Variants in ADGRB3 observed in about 807,000 individuals in gnomAD.
The protein encoded by ADGRB3 is brain-specific angiogenesis inhibitor 3.
A neutral mutation model predicts 193.4 loss-of-function variants in ADGRB3; 37 were observed. That is an observed-to-expected ratio of 0.19 (90% confidence interval 0.15 to 0.25). The LOEUF (loss-of-function observed/expected upper bound fraction) is 0.25. Ranked by LOEUF, ADGRB3 falls within the 10% of genes least tolerant of loss-of-function variation. The probability of loss-of-function intolerance (pLI) is 1.00; values close to 1 mark genes in which losing one functional copy is unlikely to be tolerated. For synonymous variants in ADGRB3, 690 were observed against 644.2 expected, an observed-to-expected ratio of 1.07 and a Z score of -1.08; for missense variants, 1,637 against 1,852.9, an observed-to-expected ratio of 0.88 and a Z score of 2.14.
intron 3 of ADGRB3, among the ~76,000 whole-genome samples, chr6:68,658,776 T>A (rs1403539840): frequency 1.4e-5 from 2 of 145,838 alleles, no homozygotes; most frequent in African/African-American, 4.9e-5. Context: ...GCTGTTTAAT[T>A]ACCTTGAACT....
intron 13 of ADGRB3, among the ~76,000 whole-genome samples, chr6:69,031,044 C>T (rs1562128847): frequency 0.068 from 610 of 8,982 alleles, 94 homozygotes; most frequent in Non-Finnish European, 0.085. Context: ...CTTCTCTCTT[C>T]TCTTCTCTTC....
At chr6:69,061,688 T>C (rs1303004127) in intron 15 of ADGRB3, among the ~76,000 whole-genome samples, 1 of 83,056 alleles carries the variant, frequency 1.2e-5, no homozygotes, top group Non-Finnish European at 2.9e-5. Flanking sequence ...AATTGTGCTG[T>C]ATTTGTACCA....
chr6:69,063,503 C>A (rs1771811177), intron 16 of ADGRB3, among the ~76,000 whole-genome samples: 1 of 151,922 alleles, frequency 6.6e-6, no homozygotes, highest in Non-Finnish European at 1.5e-5. Flanking sequence ...AAAACTTGAT[C>A]TCACTATGTG....
At chr6:68,704,514 C>T (rs1765293310) in intron 3 of ADGRB3, among the ~76,000 whole-genome samples, 2 of 152,170 alleles carry the variant, frequency 1.3e-5, no homozygotes, top group South Asian at 4.1e-4. Context: ...TTCACAGTCT[C>T]ATAACACAAT....
intron 20 of ADGRB3, among the ~76,000 whole-genome samples, chr6:69,287,203 T>A (rs1398855599): frequency 6.6e-6 from 1 of 152,152 alleles, no homozygotes; most frequent in Non-Finnish European, 1.5e-5. Flanking sequence ...GCCCTTCAAG[T>A]TTATGCCACT....
At chr6:69,007,470 G>T (rs1047951923) in intron 11 of ADGRB3, among the ~76,000 whole-genome samples, 1 of 151,860 alleles carries the variant, frequency 6.6e-6, no homozygotes, top group Non-Finnish European at 1.5e-5. Flanking sequence ...TTCAACTCTA[G>T]TTACGTTATC....
chr6:68,856,801 G>A (rs757136246), intron 3 of ADGRB3, among the ~76,000 whole-genome samples: 17 of 152,230 alleles, frequency 1.1e-4, no homozygotes, highest in Non-Finnish European at 1.3e-4. Flanking sequence ...TGGGGAAAAT[G>A]TCTCCAGGGC....
chr6:69,185,935 C>G (rs948708461), intron 17 of ADGRB3, among the ~76,000 whole-genome samples: 1 of 151,862 alleles, frequency 6.6e-6, no homozygotes, highest in African/African-American at 2.4e-5. Context: ...AGTCAAGATA[C>G]CCCAAATGGA....
At chr6:68,920,497 A>G (rs1767007771) in intron 3 of ADGRB3, among the ~76,000 whole-genome samples, 1 of 134,382 alleles carries the variant, frequency 7.4e-6, no homozygotes, top group Admixed American at 8.2e-5. Flanking sequence ...AGCCTCGGCG[A>G]CAGAGACTCT....
chr6:68,892,089 C>T (rs1057100884), intron 3 of ADGRB3, among the ~76,000 whole-genome samples: 1 of 152,176 alleles, frequency 6.6e-6, no homozygotes, highest in African/African-American at 2.4e-5. Context: ...AAATACCCTC[C>T]TGCAGCTAGT....
chr6:69,245,403 T>A (rs1258621874), intron 20 of ADGRB3, among the ~76,000 whole-genome samples: 1 of 152,144 alleles, frequency 6.6e-6, no homozygotes, highest in Non-Finnish European at 1.5e-5. Flanking sequence ...AAGATTTTTT[T>A]ATTCACTGCT....
intron 13 of ADGRB3, among the ~76,000 whole-genome samples, chr6:69,028,367 C>T (rs936918567): frequency 3.3e-5 from 5 of 151,732 alleles, no homozygotes; most frequent in Non-Finnish European, 7.4e-5. Context: ...TTAATAAAAA[C>T]GTAAAAATAA....
chr6:69,070,638 G>A (rs1012008914), intron 16 of ADGRB3, among the ~76,000 whole-genome samples: 32 of 152,250 alleles, frequency 2.1e-4, no homozygotes, highest in African/African-American at 7.0e-4. Flanking sequence ...AAATTATGGA[G>A]AGGCAAGAGT....
At chr6:69,211,107 G>A (rs1765655304) in intron 17 of ADGRB3, among the ~76,000 whole-genome samples, 1 of 152,170 alleles carries the variant, frequency 6.6e-6, no homozygotes, top group Admixed American at 6.5e-5. Context: ...GGGCGAGAGA[G>A]AGAGACTCCG....
At chr6:69,278,262 T>C (rs1767345323) in intron 20 of ADGRB3, among the ~76,000 whole-genome samples, 1 of 152,228 alleles carries the variant, frequency 6.6e-6, no homozygotes, top group Admixed American at 6.5e-5. Context: ...AAAGTATTCA[T>C]ACATTCTGAT....
Position 69,281,551 on chromosome 6 carries a change from T to C in ADGRB3, c.2814+42325T>C, listed in dbSNP as rs139066349. ...ATTCTAGAGGCCTGGCTCTGGTGGA[T>C]CAGGAGGGTCTAAGCTTTTAGCCCA... On this transcript the variant is annotated intron_variant, in intron 20 of 31. Transcript: ENST00000370598. Among the ~76,000 whole-genome samples, 760 of 152,214 alleles carry C rather than the reference T, an allele frequency of 5.0e-3. 10 individuals carry two copies. Among genetic ancestry groups the C allele is most frequent in the African/African-American group, 0.018 (730 of 41,558 alleles).
chr6:69,281,492 C>A (rs1293178237), intron 20 of ADGRB3, among the ~76,000 whole-genome samples: 1 of 152,152 alleles, frequency 6.6e-6, no homozygotes, highest in African/African-American at 2.4e-5. Flanking sequence ...CAGAGATGAG[C>A]CATATTACAG....
intron 21 of ADGRB3, among the ~76,000 whole-genome samples, chr6:69,327,100 G>A (rs553435049): frequency 1.6e-4 from 24 of 151,746 alleles, no homozygotes; most frequent in Admixed American, 3.9e-4. Context: ...TTTTTCAACC[G>A]GAAAAGGCAA....
At chr6:69,221,058 G>T (rs534113711) in intron 17 of ADGRB3, among the ~76,000 whole-genome samples, 2 of 151,980 alleles carry the variant, frequency 1.3e-5, no homozygotes, top group East Asian at 3.9e-4. Flanking sequence ...TCTAATCTAT[G>T]CAATCCCAGT....
Sources: gnomAD v4.1 joint callset for allele counts (sites outside exome capture counted in the v4.1 genomes callset) on GRCh38, gnomAD v4.1.1 for gene constraint, MANE v1.5 for transcripts, NCBI Gene and HGNC (gene_info 2026-07-23, HGNC 2026-07-21) for gene names.